Variants in KCNH8 observed in about 807,000 individuals in gnomAD.
KCNH8 encodes potassium voltage-gated channel subfamily H member 8, also known as voltage-gated delayed rectifier potassium channel KCNH8.
KCNH8 carries 70 observed loss-of-function variants against 103.6 expected under a neutral mutation model. That is an observed-to-expected ratio of 0.68 (90% CI 0.56 to 0.82). KCNH8 has a LOEUF of 0.82. KCNH8 is among the 40% of genes least tolerant of loss of function. The pLI, the probability that KCNH8 is intolerant of heterozygous loss-of-function variation, is 0.00. For synonymous variants in KCNH8, 498 were observed against 489.4 expected, an observed-to-expected ratio of 1.02 and a Z score of -0.23; for missense variants, 1,217 against 1,329.9, an observed-to-expected ratio of 0.92 and a Z score of 1.32.
intron 3 of KCNH8, among the ~76,000 whole-genome samples, chr3:19,333,357 C>T (rs1013495417): frequency 2.6e-5 from 4 of 152,076 alleles, no homozygotes; most frequent in South Asian, 2.1e-4. Flanking sequence ...TAACAGTAAC[C>T]GTGCAATTGT....
intron 3 of KCNH8, among the ~76,000 whole-genome samples, chr3:19,308,472 C>CA (rs1490069728): frequency 1.2e-4 from 18 of 151,704 alleles, no homozygotes; most frequent in East Asian, 1.2e-3. Context: ...TTTGTCCATT[C>CA]AAAAAAATAA....
chr3:19,481,613 A>G (rs1329192729), intron 11 of KCNH8, among the ~76,000 whole-genome samples: 2 of 152,186 alleles, frequency 1.3e-5, no homozygotes, highest in African/African-American at 4.8e-5. Flanking sequence ...TTTTTTCTTA[A>G]GGAGAGAATG....
Position 19,253,767 on chromosome 3 carries a change from A to C in KCNH8, c.190A>C (p.Ser64Arg). 2 of 1,613,848 alleles carry C rather than the reference A, an allele frequency of 1.2e-6. No homozygotes were observed. The highest frequency in any genetic ancestry group is 1.7e-6 in the Non-Finnish European group (2 of 1,179,864). Reference sequence around the variant, plus strand: ...TGCCCGAACTGAAGTCATGCAGAAGAGTTGTAGCTGCAAGTTCTTATTTGG... The same window carrying C: ...TGCCCGAACTGAAGTCATGCAGAAGCGTTGTAGCTGCAAGTTCTTATTTGG... ...GFARTEVMQKSCSCKFLFGVE... is the reference protein window; with the variant it reads ...GFARTEVMQKRCSCKFLFGVE... The change falls in exon 2 of 16, where the codon AGT (serine) becomes CGT (arginine). Residue 64 changes from serine (S) to arginine (R), a missense_variant. Transcript: ENST00000328405.
intron 11 of KCNH8, among the ~76,000 whole-genome samples, chr3:19,505,636 G>A (rs1438464790): frequency 1.3e-5 from 2 of 152,016 alleles, no homozygotes; most frequent in Non-Finnish European, 2.9e-5. Context: ...ATGATTATGT[G>A]TCTTGGGGAT....
chr3:19,271,378 A>G (rs1025327032), intron 2 of KCNH8, among the ~76,000 whole-genome samples: 2 of 152,156 alleles, frequency 1.3e-5, no homozygotes, highest in African/African-American at 4.8e-5. Context: ...ATTATGTTAG[A>G]TGTTCAAAGA....
chr3:19,416,627 C>G (rs147744931), intron 7 of KCNH8, among the ~76,000 whole-genome samples: 1 of 152,188 alleles, frequency 6.6e-6, no homozygotes, highest in East Asian at 1.9e-4. Context: ...AGCGCTCTTT[C>G]TGTAGAAATC....
intron 2 of KCNH8, among the ~76,000 whole-genome samples, chr3:19,258,716 G>A (rs186591812): frequency 6.6e-6 from 1 of 151,808 alleles, no homozygotes; most frequent in East Asian, 1.9e-4. Context: ...GTGGCTCACA[G>A]CACTTGTTGG....
chr3:19,274,274 G>A (rs764842590), intron 2 of KCNH8, among the ~76,000 whole-genome samples: 6 of 152,078 alleles, frequency 3.9e-5, no homozygotes, highest in Non-Finnish European at 5.9e-5. Context: ...GTTGATCAGT[G>A]GGAAATTTAA....
intron 1 of KCNH8, among the ~76,000 whole-genome samples, chr3:19,240,577 A>C (rs1240373762): frequency 6.7e-6 from 1 of 150,280 alleles, no homozygotes; most frequent in Non-Finnish European, 1.5e-5. Context: ...GTGCCACTGT[A>C]CTCCAGCCTG....
intron 1 of KCNH8, among the ~76,000 whole-genome samples, chr3:19,200,768 G>A (rs17005747): frequency 0.02 from 2,967 of 151,938 alleles, 93 homozygotes; most frequent in African/African-American, 0.066. Context: ...AATACACGAA[G>A]TTCTCCCAAA....
At chr3:19,522,549 T>G (rs2068990306) in intron 15 of KCNH8, among the ~76,000 whole-genome samples, 1 of 151,884 alleles carries the variant, frequency 6.6e-6, no homozygotes, top group Admixed American at 6.6e-5. Context: ...ATATTCAGTC[T>G]ACTGATTCAA....
Position 19,513,107 on chromosome 3 carries a change from C to T in KCNH8, c.2217C>T (p.Asn739=), listed in dbSNP as rs1374101788. 6.2e-7 allele frequency: 1 copy of T among 1,613,876 alleles called. No homozygotes were observed. Among genetic ancestry groups the T allele is most frequent in the African/African-American group, 1.3e-5 (1 of 75,018 alleles). Reference sequence around the variant, plus strand: ...GCACAAGGGGATCTTCTTCGCGCAACAAGAAGGTTGGAAGCAATAAAGCCT... The same window carrying T: ...GCACAAGGGGATCTTCTTCGCGCAATAAGAAGGTTGGAAGCAATAAAGCCT... The part of the protein sequence containing the change: ...PICTRGSSSR[N]KKVGSNKAYL... The change falls in exon 13 of 16, where the codon AAC becomes AAT. Residue 739 remains asparagine, a synonymous_variant. Transcript: ENST00000328405.
intron 3 of KCNH8, among the ~76,000 whole-genome samples, chr3:19,330,810 CTT>C (rs1438112575): frequency 6.6e-6 from 1 of 152,152 alleles, no homozygotes; most frequent in Admixed American, 6.5e-5. Flanking sequence ...TTCCTCATAA[CTT>C]ATTTAAATTT....
At chr3:19,522,025 G>A (rs184087910) in intron 15 of KCNH8, among the ~76,000 whole-genome samples, 249 of 151,964 alleles carry the variant, frequency 1.6e-3, no homozygotes, top group African/African-American at 5.7e-3. Flanking sequence ...TCACCCAAGC[G>A]TGCTTTGGTT....
chr3:19,296,104 T>TAAA (rs2064994019), intron 3 of KCNH8, among the ~76,000 whole-genome samples: 1 of 152,194 alleles, frequency 6.6e-6, no homozygotes, highest in East Asian at 1.9e-4. Context: ...TTTGACACTT[T>TAAA]GTGTGGGGGA....
In KCNH8 at chr3:19,426,995, A is replaced by G. The variant is rs1277791685; in HGVS notation, c.1178-11169A>G. 4.6e-5 allele frequency among the ~76,000 whole-genome samples: 7 copies of G among 152,274 alleles called. No homozygotes were observed. In the South Asian group the frequency reaches 6.2e-4, roughly 14 times the overall value. ...TGATTAATAAAATGTCTCATCTCAT[A>G]TAATATCATAAGTGTCACAGGGCAA... On this transcript the variant is annotated intron_variant, in intron 7 of 15. Transcript: ENST00000328405.
intron 7 of KCNH8, among the ~76,000 whole-genome samples, chr3:19,409,585 A>G (rs981226320): frequency 2.6e-5 from 4 of 152,166 alleles, no homozygotes; most frequent in Non-Finnish European, 5.9e-5. Flanking sequence ...GTTAGATAAG[A>G]AAACAAGACC....
chr3:19,227,010 G>T (rs1394266038), intron 1 of KCNH8, among the ~76,000 whole-genome samples: 3 of 152,124 alleles, frequency 2.0e-5, no homozygotes, highest in African/African-American at 7.2e-5. Context: ...TTCTTCACTG[G>T]ACTCCTTTTG....
chr3:19,464,255 T>G (rs2067691582), intron 11 of KCNH8, among the ~76,000 whole-genome samples: 1 of 152,106 alleles, frequency 6.6e-6, no homozygotes, highest in African/African-American at 2.4e-5. Context: ...GTCACCTGAT[T>G]TATCACAAGT....
Sources: gnomAD v4.1 joint callset for allele counts (sites outside exome capture counted in the v4.1 genomes callset) on GRCh38, gnomAD v4.1.1 for gene constraint, MANE v1.5 for transcripts, NCBI Gene and HGNC (gene_info 2026-07-23, HGNC 2026-07-21) for gene names.